Variants in ERBB4 observed in about 807,000 individuals in gnomAD.
ERBB4 encodes erb-b2 receptor tyrosine kinase 4.
Under a neutral mutation model 158.0 loss-of-function variants are expected in ERBB4, and 42 were observed. The observed-to-expected ratio is 0.27, with a 90% CI of 0.21 to 0.34. The LOEUF is 0.34. Among genes scored for constraint, ERBB4 ranks in the 10% least tolerant of loss-of-function variants. The probability of loss-of-function intolerance (pLI) is 1.00; values close to 1 mark genes in which losing one functional copy is unlikely to be tolerated. For synonymous variants in ERBB4, 583 were observed against 558.7 expected, an observed-to-expected ratio of 1.04 and a Z score of -0.61; for missense variants, 1,333 against 1,624.1, an observed-to-expected ratio of 0.82 and a Z score of 3.08.
chr2:212,045,649 G>T (rs1446423949), intron 2 of ERBB4, among the ~76,000 whole-genome samples: 6 of 152,076 alleles, frequency 3.9e-5, no homozygotes, highest in Admixed American at 3.9e-4. Flanking sequence ...AAATGAGACT[G>T]AACAGTACCA....
At chr2:212,141,617 C>G (rs1224152339) in intron 1 of ERBB4, among the ~76,000 whole-genome samples, 1 of 151,942 alleles carries the variant, frequency 6.6e-6, no homozygotes, top group Non-Finnish European at 1.5e-5. Context: ...ATAAATGGCA[C>G]CCCTTTCACT....
chr2:212,250,572 T>C (rs1949655), intron 1 of ERBB4, among the ~76,000 whole-genome samples: 6,237 of 152,022 alleles, frequency 0.041, 383 homozygotes, highest in African/African-American at 0.14. Flanking sequence ...ACAGGATTAA[T>C]AACAGGAAAC....
Position 211,484,981 on chromosome 2 carries a change from A to G in ERBB4, c.2488-53881T>C, listed in dbSNP as rs147343519. Among the ~76,000 whole-genome samples, 147 of 152,336 alleles carry G rather than the reference A, an allele frequency of 9.6e-4. 1 individual carries two copies. Among genetic ancestry groups the G allele is most frequent in the African/African-American group, 3.2e-3 (135 of 41,586 alleles). On this transcript the variant is annotated intron_variant, in intron 20 of 27. Coordinates refer to ENST00000342788, the MANE Select transcript of ERBB4 (RefSeq NM_005235.3). ...AATCAGAGTTCTCACATATTTAAAA[A>G]TGTTGACTGAAAGTGAACATAGTCT...
At chr2:212,391,504 T>TA (rs2090853624) in intron 1 of ERBB4, among the ~76,000 whole-genome samples, 1 of 150,168 alleles carries the variant, frequency 6.7e-6, no homozygotes, top group Non-Finnish European at 1.5e-5. Flanking sequence ...ACCCCTAAAC[T>TA]AAAATATTTA....
chr2:212,109,435 T>C (rs911094233), intron 2 of ERBB4, among the ~76,000 whole-genome samples: 10 of 152,230 alleles, frequency 6.6e-5, no homozygotes, highest in Non-Finnish European at 1.3e-4. Flanking sequence ...ACAATTACTA[T>C]GGTTCCCTTC....
intron 1 of ERBB4, among the ~76,000 whole-genome samples, chr2:212,172,619 A>G (rs1482575207): frequency 6.6e-6 from 1 of 152,150 alleles, no homozygotes; most frequent in African/African-American, 2.4e-5. Flanking sequence ...GAAGGAGACC[A>G]TATTTTTTCC....
intron 3 of ERBB4, among the ~76,000 whole-genome samples, chr2:211,813,789 A>T (rs972480268): frequency 6.6e-5 from 10 of 152,272 alleles, no homozygotes; most frequent in African/African-American, 2.4e-4. Flanking sequence ...AATCTGATAT[A>T]CTTGAAAATC....
At chr2:212,093,188 A>G (rs960763941) in intron 2 of ERBB4, among the ~76,000 whole-genome samples, 2 of 152,164 alleles carry the variant, frequency 1.3e-5, no homozygotes, top group Admixed American at 6.5e-5. Context: ...GCACATCCCA[A>G]TGGAAAGTAT....
chr2:212,472,091 C>T lies in ERBB4; in HGVS notation c.82+66358G>A, dbSNP rs138463664. Among the ~76,000 whole-genome samples the T allele has an allele frequency of 4.3e-4, 66 of 151,904 alleles. No homozygotes were observed. The East Asian group carries it at 0.011, about 26-fold the overall frequency. On this transcript the variant is annotated intron_variant, in intron 1 of 27. Transcript: ENST00000342788. ...ATATTTAATCATGCAAAATCCAACA[C>T]GTCATCAATCAAATATGTTCAACAT...
At chr2:212,368,883 T>G (rs1452004981) in intron 1 of ERBB4, among the ~76,000 whole-genome samples, 1 of 152,034 alleles carries the variant, frequency 6.6e-6, no homozygotes, top group African/African-American at 2.4e-5. Flanking sequence ...GCACCGTAGG[T>G]CCCTACTACT....
chr2:211,809,234 C>A (rs2076691652), intron 3 of ERBB4, among the ~76,000 whole-genome samples: 2 of 152,120 alleles, frequency 1.3e-5, no homozygotes, highest in South Asian at 4.1e-4. Context: ...CCCTCTTTTT[C>A]TATTGATTGG....
In ERBB4 at chr2:212,155,205, G is replaced by A. The variant is rs184258465; in HGVS notation, c.83-30302C>T. Among the ~76,000 whole-genome samples the A allele has an allele frequency of 1.6e-3, 240 of 152,034 alleles. 1 individual carries two copies. Among genetic ancestry groups the A allele is most frequent in the African/African-American group, 5.6e-3 (231 of 41,434 alleles). ...CTGTCTTTCAGAGAAAAATGTTGATGCGACAAATAATAACTCATAATTATT... is the reference window on the plus strand; with the variant it reads ...CTGTCTTTCAGAGAAAAATGTTGATACGACAAATAATAACTCATAATTATT... On this transcript the variant is annotated intron_variant, in intron 1 of 27. Coordinates refer to ENST00000342788, the MANE Select transcript of ERBB4 (RefSeq NM_005235.3).
At chr2:212,177,928 CAA>C (rs1178443714) in intron 1 of ERBB4, among the ~76,000 whole-genome samples, 2 of 147,420 alleles carry the variant, frequency 1.4e-5, no homozygotes, top group Non-Finnish European at 3.0e-5. Context: ...GTTAAAAAGG[CAA>C]AGAGTGTTTG....
At chr2:212,331,459 A>G (rs1039966124) in intron 1 of ERBB4, among the ~76,000 whole-genome samples, 9 of 151,942 alleles carry the variant, frequency 5.9e-5, no homozygotes, top group Non-Finnish European at 1.2e-4. Flanking sequence ...ATTTTTAAAT[A>G]AGAAAGCAAC....
chr2:211,809,301 T>C (rs912995749), intron 3 of ERBB4, among the ~76,000 whole-genome samples: 2 of 152,216 alleles, frequency 1.3e-5, no homozygotes, highest in Non-Finnish European at 2.9e-5. Flanking sequence ...AGAATTTGTC[T>C]GTGAATCCAT....
At chr2:211,546,542 T>C (rs1210173960) in intron 20 of ERBB4, among the ~76,000 whole-genome samples, 5 of 152,116 alleles carry the variant, frequency 3.3e-5, no homozygotes, top group Admixed American at 2.0e-4. Flanking sequence ...TGGGGTTTAT[T>C]AGGCTTTCTT....
chr2:212,191,974 T>TTATATGTTATATATGTTA (rs2082260965), intron 1 of ERBB4, among the ~76,000 whole-genome samples: 1 of 105,194 alleles, frequency 9.5e-6, no homozygotes, highest in Admixed American at 1.3e-4. Flanking sequence ...ATGTTATATG[T>TTATATGTTATATATGTTA]TATATATGTT....
At chr2:211,580,990 A>C (rs1439950290) in intron 19 of ERBB4, among the ~76,000 whole-genome samples, 1 of 149,236 alleles carries the variant, frequency 6.7e-6, no homozygotes. Flanking sequence ...ATTCAAGACT[A>C]TTATTCTAAG....
At chr2:212,083,321 G>T (rs1390129463) in intron 2 of ERBB4, among the ~76,000 whole-genome samples, 1 of 151,792 alleles carries the variant, frequency 6.6e-6, no homozygotes, top group Non-Finnish European at 1.5e-5. Flanking sequence ...CTCAGATGGT[G>T]GGAAAACCAT....
Sources: allele counts gnomAD v4.1 joint callset (sites outside exome capture counted in the v4.1 genomes callset), GRCh38; gene constraint gnomAD v4.1.1; transcripts MANE v1.5; gene names NCBI Gene and HGNC (gene_info 2026-07-23, HGNC 2026-07-21).